TOLLIP: variants seen among roughly 807,000 people sequenced by gnomAD.
The protein encoded by TOLLIP is toll interacting protein, also known as toll-interacting protein.
Under a neutral mutation model 33.5 loss-of-function variants are expected in TOLLIP, and 16 were observed. The observed-to-expected ratio is 0.48, with a 90% CI of 0.32 to 0.72. The LOEUF (loss-of-function observed/expected upper bound fraction) is 0.72, where lower values mean the gene tolerates loss of function less well. Ranked by LOEUF, TOLLIP falls within the 30% of genes least tolerant of loss-of-function variation. The pLI, the probability that TOLLIP is intolerant of heterozygous loss-of-function variation, is 0.03. For missense variants in TOLLIP, 325 were observed against 396.6 expected (o/e 0.82, Z 1.53); for synonymous variants, 176 against 163.7 (o/e 1.07, Z -0.57).
At position 1,276,550 on chromosome 11, in the gene TOLLIP, C is replaced by T. The variant is rs1863307925; in HGVS notation, c.*489G>A. 8 of 756,042 alleles carry T rather than the reference C, an allele frequency of 1.1e-5. No individual in the cohort carries two copies. Among genetic ancestry groups the T allele is most frequent in the South Asian group, 8.3e-5 (5 of 60,430 alleles). 46.8% of individuals were successfully genotyped at this position (756,042 alleles called of 1,614,324 possible). A position where few individuals can be genotyped will look rare whatever the true frequency, so the allele number is the denominator to read the frequency against. On this transcript the variant is annotated 3_prime_UTR_variant, in exon 6 of 6. Transcript: ENST00000317204. ...AAGCCCTGGGCAGGGGCCAGGCTCA[C>T]AGCAAAGCGCGTTAGGGCAAGGGCG... is the stretch of plus-strand genomic sequence containing the variant.
At position 1,290,420 on chromosome 11, in the gene TOLLIP, G is replaced by A; in HGVS notation, c.184-11C>T. ...CTTGGCCAACTTTGCCTGGAATGAA[G>A]CCAATGTCAGGAAAAGGAGGTGCCA... is the stretch of plus-strand genomic sequence containing the variant. On this transcript the variant is annotated splice_polypyrimidine_tract_variant and intron_variant, in intron 2 of 5. Coordinates refer to ENST00000317204, the MANE Select transcript of TOLLIP (RefSeq NM_019009.4). The surrounding 1 kb of genome is among the most constrained non-coding windows in gnomAD (Gnocchi z 4.9). 1 of 1,608,580 alleles carries A rather than the reference G, an allele frequency of 6.2e-7. No individual in the cohort carries two copies. Among genetic ancestry groups the A allele is most frequent in the Non-Finnish European group, 8.5e-7 (1 of 1,175,934 alleles).
Position 1,277,172 on chromosome 11 carries a change from T to G in TOLLIP, c.692A>C (p.Glu231Ala), listed in dbSNP as rs1316011710. ...AAVNAQPRCS[E>A]EDLKAIQDMF... ...GTCCTGGATGGCTTTCAGGTCCTCCTCGCTACAGCGGGGCTGGGCGTTCAC... is the reference window on the plus strand; with the variant it reads ...GTCCTGGATGGCTTTCAGGTCCTCCGCGCTACAGCGGGGCTGGGCGTTCAC... The change falls in exon 6 of 6, where the codon GAG (glutamate) becomes GCG (alanine). Residue 231 changes from glutamate to alanine, a missense_variant. Coordinates refer to ENST00000317204, the MANE Select transcript of TOLLIP (RefSeq NM_019009.4). The surrounding 1 kb of genome is among the most constrained non-coding windows in gnomAD (Gnocchi z 4.2). 1 of 1,611,912 alleles carries G rather than the reference T, an allele frequency of 6.2e-7. No homozygotes were observed. The highest frequency in any genetic ancestry group is 1.1e-5 in the South Asian group (1 of 91,008).
chr11:1,282,113 T>A (rs1308980465), intron 5 of TOLLIP, among the ~76,000 whole-genome samples: 3 of 152,162 alleles, frequency 2.0e-5, no homozygotes, highest in African/African-American at 7.2e-5. Flanking sequence ...GTTCTCCTAA[T>A]GGGAACCAGG....
intron 5 of TOLLIP, among the ~76,000 whole-genome samples, chr11:1,281,113 C>T (rs1441870333): frequency 1.3e-5 from 2 of 152,226 alleles, no homozygotes; most frequent in Non-Finnish European, 2.9e-5. Context: ...CCCCTATAAC[C>T]ACATGATGCC....
At position 1,285,571 on chromosome 11, in the gene TOLLIP, T is replaced by G. The variant is rs5743981; in HGVS notation, c.610+431A>C. Among the ~76,000 whole-genome samples, 262 of 152,200 alleles carry G rather than the reference T, an allele frequency of 1.7e-3. 1 individual carries two copies. The highest frequency in any genetic ancestry group is 5.9e-3 in the African/African-American group (247 of 41,522). ...GAGCACGCATCACCCAACAGGAGCG[T>G]GAGGTTCAGACACAACGGCGCAGCG... is the stretch of plus-strand genomic sequence containing the variant. On this transcript the variant is annotated intron_variant, in intron 5 of 5. Transcript: ENST00000317204.
chr11:1,307,139 C>T (rs961253216), intron 1 of TOLLIP, among the ~76,000 whole-genome samples: 1 of 152,180 alleles, frequency 6.6e-6, no homozygotes, highest in Non-Finnish European at 1.5e-5. Context: ...CAGTTGGTAG[C>T]GCTGGTTGAT....
rs561187706 is a variant in TOLLIP at position 1,278,843 on chromosome 11, C to G, written c.611-1590G>C. ...AACAAGACAAAGGCTTGGGCGCTGT[C>G]TGTCCTGGAGGGACCCCTGGGATCC... is the stretch of plus-strand genomic sequence containing the variant. On this transcript the variant is annotated intron_variant, in intron 5 of 5. Coordinates refer to ENST00000317204, the MANE Select transcript of TOLLIP (RefSeq NM_019009.4). The surrounding 1 kb of genome is among the most constrained non-coding windows in gnomAD (Gnocchi z 4.7). Among the ~76,000 whole-genome samples the G allele has an allele frequency of 4.7e-4, 71 of 152,386 alleles. No individual in the cohort carries two copies. Among genetic ancestry groups the G allele is most frequent in the Non-Finnish European group, 8.7e-4 (59 of 68,034 alleles).
Position 1,295,851 on chromosome 11 carries a change from C to T in TOLLIP, c.34-57G>A, listed in dbSNP as rs139059803. ...GTCAGGGTGGGGGCACAAAGCAGCC[C>T]GACAGCAGCTGCCCCCGGCATTCCC... On this transcript the variant is annotated intron_variant, in intron 1 of 5. Coordinates refer to ENST00000317204, the MANE Select transcript of TOLLIP (RefSeq NM_019009.4). 1,393 of 1,495,098 alleles carry T rather than the reference C, an allele frequency of 9.3e-4. 13 individuals carry two copies. In the African/African-American group the frequency reaches 0.017, roughly 19 times the overall value. 92.6% of individuals were successfully genotyped at this position (1,495,098 alleles called of 1,614,324 possible).
intron 1 of TOLLIP, among the ~76,000 whole-genome samples, chr11:1,306,842 C>T (rs1352468494): frequency 6.6e-6 from 1 of 152,078 alleles, no homozygotes; most frequent in Non-Finnish European, 1.5e-5. Flanking sequence ...TCCCTCCTCT[C>T]CACCTCCAGA....
In TOLLIP at chr11:1,290,023, G is replaced by A. The variant is rs754283499; in HGVS notation, c.366+204C>T. 5.1e-6 allele frequency: 3 copies of A among 585,328 alleles called. No individual in the cohort carries two copies. Among genetic ancestry groups the A allele is most frequent in the South Asian group, 2.1e-5 (1 of 47,526 alleles). 36.3% of individuals were successfully genotyped at this position (585,328 alleles called of 1,614,324 possible). On this transcript the variant is annotated intron_variant, in intron 3 of 5. Coordinates refer to ENST00000317204, the MANE Select transcript of TOLLIP (RefSeq NM_019009.4). The surrounding 1 kb of genome is among the most constrained non-coding windows in gnomAD (Gnocchi z 4.9). ...CTTGTCACTGGGGATGTTTCCAAATGTAAGTATGTTCAAGGAGCTGGAAAC... is the reference window on the plus strand; with the variant it reads ...CTTGTCACTGGGGATGTTTCCAAATATAAGTATGTTCAAGGAGCTGGAAAC...
At chr11:1,285,227 C>T (rs573292770) in intron 5 of TOLLIP, among the ~76,000 whole-genome samples, 1 of 152,346 alleles carries the variant, frequency 6.6e-6, no homozygotes, top group South Asian at 2.1e-4. Context: ...CCTCTGGCCT[C>T]CACCCTCCGT....
chr11:1,285,987 A>T lies in TOLLIP; in HGVS notation c.610+15T>A. The T allele has an allele frequency of 6.3e-7, 1 of 1,578,182 alleles. No homozygotes were observed. Among genetic ancestry groups the T allele is most frequent in the Non-Finnish European group, 8.6e-7 (1 of 1,161,416 alleles). On this transcript the variant is annotated intron_variant, in intron 5 of 5. Transcript: ENST00000317204. ...TCTACCAGGGGAGAGGCACCCAGGG[A>T]GGGAGCACACGCACCTGTGATGGGC...
chr11:1,277,619 C>T lies in TOLLIP; in HGVS notation c.611-366G>A, dbSNP rs1392684964. ...CTCGTGAATTTGCACTGCACACGCT[C>T]GTCTTCACTGACCAGTGGGCTCACA... On this transcript the variant is annotated intron_variant, in intron 5 of 5. Coordinates refer to ENST00000317204, the MANE Select transcript of TOLLIP (RefSeq NM_019009.4). This position sits in a 1 kb window ranked among gnomAD's most constrained non-coding sequence, Gnocchi z 4.2. 6.6e-6 allele frequency among the ~76,000 whole-genome samples: 1 copy of T among 152,196 alleles called. No homozygotes were observed. The highest frequency in any genetic ancestry group is 2.4e-5 in the African/African-American group (1 of 41,454).
At chr11:1,307,301 G>A (rs538052042) in intron 1 of TOLLIP, among the ~76,000 whole-genome samples, 1 of 152,328 alleles carries the variant, frequency 6.6e-6, no homozygotes, top group Admixed American at 6.5e-5. Flanking sequence ...CTACATGATG[G>A]AAACAGCCCA....
At chr11:1,302,482 A>T in intron 1 of TOLLIP, 2 of 800,810 alleles carry the variant, frequency 2.5e-6, no homozygotes, top group Non-Finnish European at 3.0e-6. Context: ...ATTTTCCAAA[A>T]TAAGGCTAGA....
intron 5 of TOLLIP, among the ~76,000 whole-genome samples, chr11:1,280,204 C>T (rs1025222111): frequency 2.0e-5 from 3 of 152,256 alleles, no homozygotes; most frequent in Non-Finnish European, 4.4e-5. Context: ...ACTCCCTATT[C>T]GCTGGAATTC....
Position 1,276,598 on chromosome 11 carries a change from T to TA in TOLLIP, c.*440dup, listed in dbSNP as rs910665507. 9.7e-5 allele frequency: 115 copies of TA among 1,184,202 alleles called. No individual in the cohort carries two copies. The Middle Eastern group carries it at 1.8e-3, about 19-fold the overall frequency. 73.4% of individuals were successfully genotyped at this position (1,184,202 alleles called of 1,614,324 possible). A position where few individuals can be genotyped will look rare whatever the true frequency, so the allele number is the denominator to read the frequency against. On this transcript the variant is annotated 3_prime_UTR_variant, in exon 6 of 6. Coordinates refer to ENST00000317204, the MANE Select transcript of TOLLIP (RefSeq NM_019009.4). ...GCGTGAGTTTTCGTCTGGGAAGTTC[T>TA]AAAAAAAACCCACAGTGTGAGGGAT...
rs1024908665 is a variant in TOLLIP at position 1,290,490 on chromosome 11, A to G, written c.184-81T>C. 6.6e-6 allele frequency: 9 copies of G among 1,373,192 alleles called. No individual in the cohort carries two copies. The highest frequency in any genetic ancestry group is 1.9e-4 in the Middle Eastern group (1 of 5,186). The allele number at this position is 1,373,192 out of a possible 1,614,324, so 85.1% of individuals were successfully genotyped here. ...TTCTCTAGGCCGTCTGCCTCCCTGA[A>G]CCCTTCCACGAGGCCTTTTCCTAAC... On this transcript the variant is annotated intron_variant, in intron 2 of 5. Coordinates refer to ENST00000317204, the MANE Select transcript of TOLLIP (RefSeq NM_019009.4). The surrounding 1 kb of genome is among the most constrained non-coding windows in gnomAD (Gnocchi z 4.9).
intron 2 of TOLLIP, among the ~76,000 whole-genome samples, chr11:1,293,871 C>T (rs1180229221): frequency 1.3e-5 from 2 of 152,230 alleles, no homozygotes; most frequent in Admixed American, 1.3e-4. Context: ...CGGGAGTTCA[C>T]TGGGTGGGCA....
Sources: gnomAD v4.1 joint callset for allele counts (sites outside exome capture counted in the v4.1 genomes callset) on GRCh38, gnomAD v4.1.1 for gene constraint, Gnocchi (gnomAD v3.1) non-coding constraint, MANE v1.5 for transcripts, NCBI Gene and HGNC (gene_info 2026-07-23, HGNC 2026-07-21) for gene names.